MIPOL1: variants seen among roughly 807,000 people sequenced by gnomAD.
MIPOL1 encodes the protein mirror-image polydactyly 1.
MIPOL1 carries 57 observed loss-of-function variants against 60.9 expected under a neutral mutation model. The observed-to-expected ratio is 0.94, with a 90% CI of 0.76 to 1.17. The LOEUF is 1.17. Among genes scored for constraint, MIPOL1 ranks in the 50% most tolerant of loss-of-function variants. MIPOL1 has a pLI of 0.00. For synonymous variants in MIPOL1, 179 were observed against 168.8 expected (o/e 1.06, Z -0.47); for missense variants, 551 against 511.6 (o/e 1.08, Z -0.74).
rs906922904 is a variant in MIPOL1, at chr14:37,534,315, T to G, written c.1263-12590T>G. ...AAATCTGTTCTTTTTAGATAACTGC[T>G]CTATCATTTAATGTTCTTCTGCAAA... On this transcript the variant is annotated intron_variant, in intron 12 of 12. Transcript: ENST00000684589. 5.9e-5 allele frequency among the ~76,000 whole-genome samples: 9 copies of G among 152,212 alleles called. No homozygotes were observed. The South Asian group carries it at 1.7e-3, about 28-fold the overall frequency.
At chr14:37,305,945 G>A (rs1313435888) in intron 7 of MIPOL1, among the ~76,000 whole-genome samples, 1 of 151,698 alleles carries the variant, frequency 6.6e-6, no homozygotes, top group Non-Finnish European at 1.5e-5. Context: ...TCACTTATCG[G>A]CAAAATGACA....
intron 10 of MIPOL1, among the ~76,000 whole-genome samples, chr14:37,416,502 T>C (rs1011535478): frequency 6.6e-6 from 1 of 152,162 alleles, no homozygotes; most frequent in Admixed American, 6.5e-5. Context: ...TGTTCAGCTG[T>C]GACACAGCAG....
intron 9 of MIPOL1, among the ~76,000 whole-genome samples, chr14:37,327,027 G>A (rs945468124): frequency 1.3e-5 from 2 of 152,116 alleles, no homozygotes; most frequent in African/African-American, 2.4e-5. Flanking sequence ...GAGGAGGCAG[G>A]GAGAAATGAA....
chr14:37,255,148 C>T (rs929890588), intron 3 of MIPOL1, among the ~76,000 whole-genome samples: 1 of 151,822 alleles, frequency 6.6e-6, no homozygotes, highest in Non-Finnish European at 1.5e-5. Context: ...CACATATTTA[C>T]AACATGCAGC....
rs542669283 is a variant in MIPOL1 at position 37,295,673 on chromosome 14, A to G, written c.623+10226A>G. Among the ~76,000 whole-genome samples, 39 of 152,294 alleles carry G rather than the reference A, an allele frequency of 2.6e-4. 1 individual carries two copies. The South Asian group carries it at 7.7e-3, about 30-fold the overall frequency. ...GCAATCCTAGTCTTTGATAAAACAG[A>G]CTTTAAACCAACAAAGATCAAAAGA... On this transcript the variant is annotated intron_variant, in intron 7 of 12. Coordinates refer to ENST00000684589, the MANE Select transcript of MIPOL1 (RefSeq NM_001388067.1).
intron 11 of MIPOL1, among the ~76,000 whole-genome samples, chr14:37,476,494 A>G (rs769998997): frequency 7.9e-5 from 12 of 152,186 alleles, no homozygotes; most frequent in Non-Finnish European, 2.9e-5. Context: ...GTGAGAGGGC[A>G]CTTCTTACCT....
intron 12 of MIPOL1, among the ~76,000 whole-genome samples, chr14:37,529,752 T>G (rs1391659709): frequency 6.6e-6 from 1 of 152,070 alleles, no homozygotes; most frequent in Non-Finnish European, 1.5e-5. Context: ...GTAGCAGAGA[T>G]GAAGCACAGG....
At chr14:37,309,356 A>G (rs551983671) in intron 9 of MIPOL1, among the ~76,000 whole-genome samples, 10 of 152,138 alleles carry the variant, frequency 6.6e-5, no homozygotes, top group Admixed American at 3.9e-4. Flanking sequence ...CACCCAGTGC[A>G]CACTATTGTT....
chr14:37,302,726 T>C (rs560062930), intron 7 of MIPOL1, among the ~76,000 whole-genome samples: 1 of 151,892 alleles, frequency 6.6e-6, no homozygotes, highest in African/African-American at 2.4e-5. Flanking sequence ...TTTGCACCTA[T>C]GTCAAAAATA....
At chr14:37,260,812 C>G (rs2082471354) in intron 3 of MIPOL1, among the ~76,000 whole-genome samples, 1 of 152,046 alleles carries the variant, frequency 6.6e-6, no homozygotes, top group South Asian at 2.1e-4. Flanking sequence ...ACCTAATTTC[C>G]TGTGACTCCT....
At chr14:37,253,341 A>G (rs1457265980) in intron 3 of MIPOL1, among the ~76,000 whole-genome samples, 1 of 151,758 alleles carries the variant, frequency 6.6e-6, no homozygotes, top group Non-Finnish European at 1.5e-5. Context: ...TTTCTTTTAT[A>G]TGAAATAGAG....
chr14:37,444,049 A>G (rs1276137563), intron 11 of MIPOL1, among the ~76,000 whole-genome samples: 1 of 152,110 alleles, frequency 6.6e-6, no homozygotes, highest in African/African-American at 2.4e-5. Flanking sequence ...AAGATCAAGA[A>G]CAAAGCAAGG....
In MIPOL1 at chr14:37,323,265, T is replaced by A. The variant is rs113594798; in HGVS notation, c.828+14746T>A. Among the ~76,000 whole-genome samples the A allele has an allele frequency of 1.7e-3, 254 of 152,266 alleles. 1 individual carries two copies. Among genetic ancestry groups the A allele is most frequent in the African/African-American group, 5.8e-3 (240 of 41,578 alleles). ...CCCCCTTGCTTGTTTTTGTCAGGTT[T>A]GTCAAAGATCAGATGGTTGTAGATG... is the stretch of plus-strand genomic sequence containing the variant. On this transcript the variant is annotated intron_variant, in intron 9 of 12. Coordinates refer to ENST00000684589, the MANE Select transcript of MIPOL1 (RefSeq NM_001388067.1).
chr14:37,378,320 A>T (rs2092831460), intron 10 of MIPOL1, among the ~76,000 whole-genome samples: 1 of 152,094 alleles, frequency 6.6e-6, no homozygotes, highest in Non-Finnish European at 1.5e-5. Context: ...ATGTCCACAC[A>T]ATAGAATATT....
At chr14:37,383,864 G>A (rs2092993836) in intron 10 of MIPOL1, among the ~76,000 whole-genome samples, 1 of 151,514 alleles carries the variant, frequency 6.6e-6, no homozygotes, top group African/African-American at 2.4e-5. Flanking sequence ...TTCCTTTACT[G>A]GCTTTTGTTG....
chr14:37,456,505 A>C (rs536833789), intron 11 of MIPOL1, among the ~76,000 whole-genome samples: 1 of 152,126 alleles, frequency 6.6e-6, no homozygotes, highest in African/African-American at 2.4e-5. Flanking sequence ...AGACCCTAAC[A>C]TTCTTTGTAA....
chr14:37,499,821 G>A, intron 11 of MIPOL1, 87 bp from the exon 12 acceptor site: 1 of 570,188 alleles, frequency 1.8e-6, no homozygotes, highest in Non-Finnish European at 2.9e-6. Flanking sequence ...TAGAACTAGA[G>A]ATTCTAAATG....
At chr14:37,338,588 T>C (rs1263626986) in intron 9 of MIPOL1, among the ~76,000 whole-genome samples, 1 of 151,890 alleles carries the variant, frequency 6.6e-6, no homozygotes, top group Non-Finnish European at 1.5e-5. Context: ...TTTGTATTTT[T>C]AGTTGAGACA....
At chr14:37,245,560 G>T (rs1197034544) in intron 1 of MIPOL1, among the ~76,000 whole-genome samples, 1 of 152,076 alleles carries the variant, frequency 6.6e-6, no homozygotes, top group East Asian at 1.9e-4. Flanking sequence ...TGCTGGTTAT[G>T]ACTTAGAATG....
Sources: gnomAD v4.1 joint callset for allele counts (sites outside exome capture counted in the v4.1 genomes callset) on GRCh38, gnomAD v4.1.1 for gene constraint, MANE v1.5 for transcripts, NCBI Gene and HGNC (gene_info 2026-07-23, HGNC 2026-07-21) for gene names.